The following MATN2 variants were observed in gnomAD, a reference collection of about 807,000 sequenced individuals.
MATN2 encodes the protein matrilin 2, also known as matrilin-2.
In MATN2, 69 loss-of-function variants were observed where a neutral mutation model predicts 103.2. That is an observed-to-expected ratio of 0.67 (90% confidence interval 0.55 to 0.82). The LOEUF (loss-of-function observed/expected upper bound fraction) is 0.82, where lower values mean the gene tolerates loss of function less well. Among genes scored for constraint, MATN2 ranks in the 40% least tolerant of loss-of-function variants. The probability of loss-of-function intolerance (pLI) is 0.00; values close to 1 mark genes in which losing one functional copy is unlikely to be tolerated. For synonymous variants in MATN2, 429 were observed against 450.2 expected, an observed-to-expected ratio of 0.95 and a Z score of 0.60; for missense variants, 1,023 against 1,211.5, an observed-to-expected ratio of 0.84 and a Z score of 2.31.
intron 13 of MATN2, among the ~76,000 whole-genome samples, chr8:98,023,684 T>C (rs1813682667): frequency 6.6e-6 from 1 of 151,960 alleles, no homozygotes; most frequent in African/African-American, 2.4e-5. Flanking sequence ...AAAAATTTTT[T>C]TAATAAAAAA....
At chr8:97,890,508 C>G (rs1818592684) in intron 2 of MATN2, among the ~76,000 whole-genome samples, 1 of 149,262 alleles carries the variant, frequency 6.7e-6, no homozygotes, top group African/African-American at 2.5e-5. Flanking sequence ...AATCATGAAA[C>G]CAGAAAGCAA....
chr8:97,914,691 C>T (rs1157046930), intron 2 of MATN2, among the ~76,000 whole-genome samples: 2 of 152,112 alleles, frequency 1.3e-5, no homozygotes, highest in African/African-American at 4.8e-5. Flanking sequence ...CACATGCCGT[C>T]CACCCACATG....
intron 2 of MATN2, among the ~76,000 whole-genome samples, chr8:97,890,858 G>A (rs977101930): frequency 2.0e-5 from 3 of 152,134 alleles, no homozygotes; most frequent in Non-Finnish European, 2.9e-5. Flanking sequence ...CAGCAGAATT[G>A]TTTCTTAGGT....
At chr8:98,028,628 C>T (rs535747322) in intron 14 of MATN2, among the ~76,000 whole-genome samples, 54 of 151,970 alleles carry the variant, frequency 3.6e-4, no homozygotes, top group Non-Finnish European at 7.1e-4. Flanking sequence ...GCTCTGTCAC[C>T]GAGGCTGGAG....
chr8:97,952,929 T>TTC (rs1223220435), intron 4 of MATN2, among the ~76,000 whole-genome samples: 7 of 146,694 alleles, frequency 4.8e-5, no homozygotes, highest in African/African-American at 1.8e-4. Flanking sequence ...TTTTTTTTTT[T>TTC]TTTTTTTTTT....
intron 4 of MATN2, among the ~76,000 whole-genome samples, chr8:97,959,224 G>A (rs761226169): frequency 3.9e-5 from 6 of 152,060 alleles, no homozygotes; most frequent in Non-Finnish European, 2.9e-5. Flanking sequence ...TGTTCTTTTG[G>A]CCGAAAATAC....
chr8:97,907,120 C>A (rs1276006997), intron 2 of MATN2, among the ~76,000 whole-genome samples: 1 of 151,324 alleles, frequency 6.6e-6, no homozygotes, highest in Non-Finnish European at 1.5e-5. Flanking sequence ...CTTGCCTCAG[C>A]CTCCCAAGTA....
At chr8:97,992,995 A>G (rs1586133471) in intron 6 of MATN2, among the ~76,000 whole-genome samples, 4 of 151,782 alleles carry the variant, frequency 2.6e-5, no homozygotes, top group African/African-American at 9.7e-5. Context: ...CTTCAAAGTA[A>G]TGTGGGATCT....
intron 2 of MATN2, among the ~76,000 whole-genome samples, chr8:97,898,402 C>T (rs1759813361): frequency 6.6e-6 from 1 of 151,982 alleles, no homozygotes; most frequent in Admixed American, 6.6e-5. Flanking sequence ...TTGAGACCAG[C>T]CTGGCCAACA....
At chr8:97,925,178 A>G (rs1008307890) in intron 2 of MATN2, among the ~76,000 whole-genome samples, 7 of 152,168 alleles carry the variant, frequency 4.6e-5, no homozygotes, top group African/African-American at 1.7e-4. Flanking sequence ...GATTGGCTAC[A>G]GGCTGGCGTT....
chr8:98,027,418 T>A lies in MATN2; in HGVS notation c.1945T>A (p.Cys649Ser). The A allele has an allele frequency of 6.3e-7, 1 of 1,598,330 alleles. No homozygotes were observed. Among genetic ancestry groups the A allele is most frequent in the Non-Finnish European group, 8.6e-7 (1 of 1,168,264 alleles). ...LAEDGRRCKK[C>S]TEGPIDLVFV... ...CAACTTTCCTTCTGTTCATATAGAATGCACTGAAGGCCCAATTGACCTGGT... is the reference window on the plus strand; with the variant it reads ...CAACTTTCCTTCTGTTCATATAGAAAGCACTGAAGGCCCAATTGACCTGGT... Residue 649 changes from cysteine to serine, a missense_variant and splice_region_variant, in exon 14 of 19, where the codon TGC (cysteine) becomes AGC (serine). By Grantham distance (112) the Cys-to-Ser change is moderately radical. Coordinates refer to ENST00000254898, the MANE Select transcript of MATN2 (RefSeq NM_002380.5).
intron 2 of MATN2, among the ~76,000 whole-genome samples, chr8:97,914,863 T>A (rs1003137174): frequency 1.3e-5 from 2 of 152,246 alleles, no homozygotes; most frequent in African/African-American, 2.4e-5. Context: ...CAACACCTGC[T>A]CACCTTATAA....
chr8:97,945,028 C>T (rs1810697405), intron 4 of MATN2, among the ~76,000 whole-genome samples: 2 of 152,246 alleles, frequency 1.3e-5, no homozygotes, highest in South Asian at 4.1e-4. Flanking sequence ...TAAAAATGTG[C>T]CAGGCAGCAT....
At chr8:97,953,390 C>T (rs1811025897) in intron 4 of MATN2, among the ~76,000 whole-genome samples, 1 of 152,210 alleles carries the variant, frequency 6.6e-6, no homozygotes, top group South Asian at 2.1e-4. Flanking sequence ...ACTGTCAGCC[C>T]TGCACTTCGG....
chr8:98,017,091 T>C (rs183118711), intron 11 of MATN2, among the ~76,000 whole-genome samples: 30 of 152,368 alleles, frequency 2.0e-4, no homozygotes, highest in Non-Finnish European at 4.4e-4. Flanking sequence ...TTCACTTATA[T>C]GCTCTGTGGC....
chr8:97,871,751 G>A (rs1366030122), intron 1 of MATN2, among the ~76,000 whole-genome samples: 5 of 152,346 alleles, frequency 3.3e-5, no homozygotes, highest in South Asian at 4.1e-4. Context: ...CTTGAACCCT[G>A]CCATGTGGCT....
chr8:97,926,239 T>C (rs1329599959), intron 2 of MATN2, among the ~76,000 whole-genome samples: 2 of 152,124 alleles, frequency 1.3e-5, no homozygotes, highest in Admixed American at 6.5e-5. Flanking sequence ...AACCCTGTCA[T>C]GAGAGGCCAG....
chr8:98,008,810 AAG>A (rs1813062225), intron 10 of MATN2, among the ~76,000 whole-genome samples: 1 of 152,206 alleles, frequency 6.6e-6, no homozygotes, highest in South Asian at 2.1e-4. Context: ...TTCTGAGAAT[AAG>A]AGGAGTCATT....
At chr8:97,889,597 C>A (rs1818563710) in intron 2 of MATN2, among the ~76,000 whole-genome samples, 1 of 151,624 alleles carries the variant, frequency 6.6e-6, no homozygotes, top group Admixed American at 6.6e-5. Flanking sequence ...GGGCACAACA[C>A]CACGCTCAGC....
Sources: allele counts gnomAD v4.1 joint callset (sites outside exome capture counted in the v4.1 genomes callset), GRCh38; gene constraint gnomAD v4.1.1; transcripts MANE v1.5; gene names NCBI Gene and HGNC (gene_info 2026-07-23, HGNC 2026-07-21).